Variants in RAD51B observed in about 807,000 individuals in gnomAD.
The protein encoded by RAD51B is DNA repair protein RAD51 homolog 2.
Under a neutral mutation model 42.2 loss-of-function variants are expected in RAD51B, and 38 were observed. The ratio of observed to expected loss-of-function variants is 0.90; its 90% CI spans 0.70 to 1.18. The LOEUF (loss-of-function observed/expected upper bound fraction) is 1.18. Among genes scored for constraint, RAD51B ranks in the 50% most tolerant of loss-of-function variants. RAD51B has a pLI of 0.00. For missense variants in RAD51B, 373 were observed against 400.7 expected (o/e 0.93, Z 0.59); for synonymous variants, 154 against 145.2 (o/e 1.06, Z -0.43).
intron 7 of RAD51B, among the ~76,000 whole-genome samples, chr14:68,198,821 A>G (rs2079426555): frequency 1.3e-5 from 2 of 152,232 alleles, no homozygotes; most frequent in Non-Finnish European, 2.9e-5. Flanking sequence ...GGAATGCTCA[A>G]TTACAAATCC....
At chr14:68,064,415 A>G (rs2076617173) in intron 7 of RAD51B, among the ~76,000 whole-genome samples, 1 of 152,114 alleles carries the variant, frequency 6.6e-6, no homozygotes. Flanking sequence ...TTTGACTATA[A>G]TGTGCCTCGG....
chr14:67,995,454 T>G (rs943135332), intron 7 of RAD51B, among the ~76,000 whole-genome samples: 1 of 152,060 alleles, frequency 6.6e-6, no homozygotes, highest in Non-Finnish European at 1.5e-5. Context: ...AACTAAGTCA[T>G]CTACTCCACA....
chr14:68,525,330 T>G (rs1185938660), intron 10 of RAD51B, among the ~76,000 whole-genome samples: 1 of 152,260 alleles, frequency 6.6e-6, no homozygotes, highest in Non-Finnish European at 1.5e-5. Flanking sequence ...TGTCAGACTT[T>G]TGGCCTCCAG....
chr14:68,269,857 C>T (rs977192461), intron 7 of RAD51B, among the ~76,000 whole-genome samples: 6 of 152,108 alleles, frequency 3.9e-5, no homozygotes, highest in Admixed American at 6.5e-5. Flanking sequence ...CTCTCTTTTG[C>T]GGAATCTGTA....
intron 7 of RAD51B, among the ~76,000 whole-genome samples, chr14:68,011,604 T>C (rs2075684673): frequency 6.6e-6 from 1 of 152,068 alleles, no homozygotes; most frequent in South Asian, 2.1e-4. Flanking sequence ...AACAACTTTT[T>C]TCTACTTTGA....
Position 68,141,636 on chromosome 14 carries a change from GT to G in RAD51B, c.757-150245del, listed in dbSNP as rs570637759. On this transcript the variant is annotated intron_variant, in intron 7 of 10. Coordinates refer to ENST00000471583, the MANE Select transcript of RAD51B (RefSeq NM_133510.4). ...GGTATTACATTAACATTATTATTTG[GT>G]TTAAGTCTTTGTTTTTTGATATTCA... Among the ~76,000 whole-genome samples, 65 of 152,104 alleles carry G rather than the reference GT, an allele frequency of 4.3e-4. 1 individual carries two copies. The South Asian group carries it at 0.013, about 30-fold the overall frequency.
At position 68,091,919 on chromosome 14, in the gene RAD51B, C is replaced by T. The variant is rs558182817; in HGVS notation, c.757-199965C>T. Reference sequence around the variant, plus strand: ...TCCAGTTTCAGCTTTCTACATATAGCTAGCCAGTTTTCCCAGCACCATTTA... The same window carrying T: ...TCCAGTTTCAGCTTTCTACATATAGTTAGCCAGTTTTCCCAGCACCATTTA... On this transcript the variant is annotated intron_variant, in intron 7 of 10. Coordinates refer to ENST00000471583, the MANE Select transcript of RAD51B (RefSeq NM_133510.4). 3.9e-5 allele frequency among the ~76,000 whole-genome samples: 6 copies of T among 152,314 alleles called. No homozygotes were observed. The East Asian group carries it at 1.2e-3, about 29-fold the overall frequency.
At chr14:68,454,851 G>C (rs1470162194) in intron 9 of RAD51B, among the ~76,000 whole-genome samples, 1 of 152,200 alleles carries the variant, frequency 6.6e-6, no homozygotes, top group Non-Finnish European at 1.5e-5. Flanking sequence ...AGGAAAATCT[G>C]GGGGAATGAG....
At chr14:68,422,217 C>T (rs1308068212) in intron 9 of RAD51B, 19 of 996,856 alleles carry the variant, frequency 1.9e-5, no homozygotes, top group Non-Finnish European at 2.9e-5. Context: ...ACACGGTTTT[C>T]CTCAGCGGTG....
intron 7 of RAD51B, among the ~76,000 whole-genome samples, chr14:68,181,192 T>C (rs2079055195): frequency 6.6e-6 from 1 of 152,194 alleles, no homozygotes; most frequent in African/African-American, 2.4e-5. Flanking sequence ...GATGAAGGTG[T>C]ATTTACAAAG....
intron 7 of RAD51B, among the ~76,000 whole-genome samples, chr14:67,987,221 A>G (rs1254420341): frequency 6.6e-6 from 1 of 152,208 alleles, no homozygotes; most frequent in Non-Finnish European, 1.5e-5. Flanking sequence ...TTTGAAATGT[A>G]CAATTAAGTT....
chr14:68,340,667 T>C (rs1244780334), intron 8 of RAD51B, among the ~76,000 whole-genome samples: 1 of 152,264 alleles, frequency 6.6e-6, no homozygotes, highest in Non-Finnish European at 1.5e-5. Flanking sequence ...GCGTGCATAT[T>C]ACTATTTTTG....
chr14:68,611,411 T>A (rs1891678130), exon 11 of RAD51B: 1 of 611,440 alleles, frequency 1.6e-6, no homozygotes, highest in Non-Finnish European at 2.9e-6. Context: ...CTTCTCTACA[T>A]CTTCCTCCCA....
At chr14:67,948,727 C>G (rs2074381486) in intron 7 of RAD51B, among the ~76,000 whole-genome samples, 2 of 151,398 alleles carry the variant, frequency 1.3e-5, no homozygotes, top group African/African-American at 4.9e-5. Context: ...GTCAGGAGAT[C>G]GAGACCATCC....
chr14:68,575,251 G>A (rs1889910228), intron 10 of RAD51B, among the ~76,000 whole-genome samples: 2 of 152,130 alleles, frequency 1.3e-5, no homozygotes, highest in South Asian at 4.1e-4. Flanking sequence ...GGAAAGTGAG[G>A]GACTCGAGTC....
intron 10 of RAD51B, chr14:68,628,223 T>C (rs1193416965): frequency 6.6e-6 from 1 of 152,262 alleles, no homozygotes. Context: ...GTGTGTCCTA[T>C]AGAAACATGG....
At chr14:68,536,461 G>C (rs1191525363) in intron 10 of RAD51B, among the ~76,000 whole-genome samples, 1 of 152,098 alleles carries the variant, frequency 6.6e-6, no homozygotes, top group South Asian at 2.1e-4. Flanking sequence ...TGTACTTTCC[G>C]AGCCCTACAT....
At chr14:68,504,718 G>A (rs1439733988) in intron 10 of RAD51B, among the ~76,000 whole-genome samples, 2 of 117,814 alleles carry the variant, frequency 1.7e-5, no homozygotes, top group African/African-American at 3.3e-5. Context: ...TCATTTCCTG[G>A]CTTAAAAAAT....
chr14:68,173,895 G>C (rs1354222149), intron 7 of RAD51B, among the ~76,000 whole-genome samples: 1 of 152,110 alleles, frequency 6.6e-6, no homozygotes, highest in African/African-American at 2.4e-5. Context: ...GCCACATATT[G>C]GTCCATGAAA....
Sources: allele counts gnomAD v4.1 joint callset (sites outside exome capture counted in the v4.1 genomes callset), GRCh38; gene constraint gnomAD v4.1.1; transcripts MANE v1.5; gene names NCBI Gene and HGNC (gene_info 2026-07-23, HGNC 2026-07-21).